MMS19: variants seen among roughly 807,000 people sequenced by gnomAD.
MMS19 encodes MMS19 nucleotide excision repair protein homolog.
In MMS19, 77 loss-of-function variants were observed where a neutral mutation model predicts 129.8. The ratio of observed to expected loss-of-function variants is 0.59; its 90% confidence interval spans 0.49 to 0.72. The LOEUF is 0.72. Ranked by LOEUF, MMS19 falls within the 30% of genes least tolerant of loss-of-function variation. The pLI is 0.00. For synonymous variants in MMS19, 491 were observed against 502.8 expected, an observed-to-expected ratio of 0.98 and a Z score of 0.31; for missense variants, 1,168 against 1,266.3, an observed-to-expected ratio of 0.92 and a Z score of 1.18.
At chr10:97,488,046 G>T (rs1200234553) in intron 1 of MMS19, among the ~76,000 whole-genome samples, 1 of 152,064 alleles carries the variant, frequency 6.6e-6, no homozygotes, top group Non-Finnish European at 1.5e-5. Flanking sequence ...CCGAGATCGT[G>T]CCACTGCACT....
Position 97,460,113 on chromosome 10 carries a change from C to T in MMS19, c.2589G>A (p.Met863Ile). 1 of 1,614,052 alleles carries T rather than the reference C, an allele frequency of 6.2e-7. No individual in the cohort carries two copies. The highest frequency in any genetic ancestry group is 1.1e-5 in the South Asian group (1 of 91,080). Residue 863 changes from methionine to isoleucine, a missense_variant, in exon 26 of 31, where the codon ATG (methionine) becomes ATA (isoleucine). By Grantham distance (10) the Met-to-Ile change is conservative. Around this residue, in one of 3 missense-constraint regions of MMS19, gnomAD observed 831 missense variants for 910.8 expected, o/e 0.91. Transcript: ENST00000438925. ...TATCTGTGAAGAACCGCTGGCGGAA[C>T]ATGATCCGCACTTCGGCATGGCCAG... ...TRAGHAEVRI[M>I]FRQRFFTDNV...
At chr10:97,474,157 GA>G in intron 8 of MMS19, among the ~76,000 whole-genome samples, 1 of 146,526 alleles carries the variant, frequency 6.8e-6, no homozygotes. Flanking sequence ...AAAAGGGAAA[GA>G]AAAAGTTTGC....
At chr10:97,459,547 T>C in intron 27 of MMS19, 21 bp from the exon 28 acceptor site, 1 of 1,609,590 alleles carries the variant, frequency 6.2e-7, no homozygotes. Flanking sequence ...ATGGGCAAGG[T>C]AGGGGATGGC....
Position 97,460,069 on chromosome 10 carries a change from T to A in MMS19, c.2633A>T (p.Gln878Leu). The A allele has an allele frequency of 1.9e-6, 3 of 1,614,004 alleles. No individual in the cohort carries two copies. The South Asian group carries it at 3.3e-5, about 18-fold the overall frequency. ...ACCTTGGGGAGCAGCATGGAAGCCC[T>A]GGACCAAAGCAGGCACATTATCTGT... ...FFTDNVPALV[Q>L]GFHAAPQDVK... Residue 878 changes from glutamine to leucine, a missense_variant, in exon 26 of 31, where the codon CAG becomes CTG. Gln to Leu is a moderately radical substitution (Grantham distance 113). Transcript: ENST00000438925.
chr10:97,459,986 G>C, intron 26 of MMS19, 60 bp downstream of exon 26: 1 of 1,554,250 alleles, frequency 6.4e-7, no homozygotes, highest in South Asian at 1.2e-5. Context: ...TTATCTTAGG[G>C]AATGTGGCCA....
At chr10:97,484,920 A>C (rs554542752) in intron 1 of MMS19, among the ~76,000 whole-genome samples, 79 of 152,180 alleles carry the variant, frequency 5.2e-4, no homozygotes, top group African/African-American at 1.8e-3. Flanking sequence ...CTGGGACCAA[A>C]GGCATGTGCC....
intron 13 of MMS19, among the ~76,000 whole-genome samples, chr10:97,467,978 A>G (rs973589624): frequency 6.6e-6 from 1 of 151,440 alleles, no homozygotes; most frequent in Admixed American, 6.6e-5. Context: ...TGGCTAATTT[A>G]AAAAAAATTT....
At chr10:97,474,566 A>C (rs917398829) in intron 8 of MMS19, among the ~76,000 whole-genome samples, 1 of 152,088 alleles carries the variant, frequency 6.6e-6, no homozygotes, top group Non-Finnish European at 1.5e-5. Context: ...AACAAAACAG[A>C]ACAGAACCAA....
Position 97,464,791 on chromosome 10 carries a change from G to A in MMS19, c.1757-778C>T, listed in dbSNP as rs551141368. On this transcript the variant is annotated intron_variant, in intron 18 of 30. Coordinates refer to ENST00000438925, the MANE Select transcript of MMS19 (RefSeq NM_022362.5). ...CGGCTTGCTCCAACCTCTGCCTCCCGGGCTCAAAGTGATTCTCCTGCCTTA... is the reference window on the plus strand; with the variant it reads ...CGGCTTGCTCCAACCTCTGCCTCCCAGGCTCAAAGTGATTCTCCTGCCTTA... 1.5e-4 allele frequency among the ~76,000 whole-genome samples: 23 copies of A among 150,896 alleles called. 3 individuals are homozygous for A. Among genetic ancestry groups the A allele is most frequent in the African/African-American group, 5.1e-4 (21 of 41,012 alleles).
At chr10:97,477,007 G>C in intron 6 of MMS19, 44 bp from the exon 7 acceptor site, 1 of 1,610,974 alleles carries the variant, frequency 6.2e-7, no homozygotes. Flanking sequence ...CCACAGCACA[G>C]AAAGTGTGGG....
intron 8 of MMS19, among the ~76,000 whole-genome samples, chr10:97,471,464 T>C (rs928188583): frequency 2.0e-5 from 3 of 152,140 alleles, no homozygotes; most frequent in African/African-American, 7.2e-5. Flanking sequence ...CCTTTTCCTC[T>C]TTGCAAACTC....
At chr10:97,471,191 T>C (rs888529948) in intron 8 of MMS19, among the ~76,000 whole-genome samples, 1 of 152,346 alleles carries the variant, frequency 6.6e-6, no homozygotes, top group African/African-American at 2.4e-5. Context: ...AAAATATATA[T>C]ATACTTAAAA....
At chr10:97,494,023 A>G (rs2039395708) in intron 1 of MMS19, among the ~76,000 whole-genome samples, 1 of 152,194 alleles carries the variant, frequency 6.6e-6, no homozygotes, top group Non-Finnish European at 1.5e-5. Context: ...TCAAAAGCAA[A>G]CAAACAAACA....
At chr10:97,486,890 T>TATATATATATATAC in intron 1 of MMS19, among the ~76,000 whole-genome samples, 1 of 124,612 alleles carries the variant, frequency 8.0e-6, no homozygotes, top group African/African-American at 2.8e-5. Context: ...TATATATATA[T>TATATATATATATAC]ATATAAAATT....
chr10:97,487,944 T>C (rs1589777717), intron 1 of MMS19, among the ~76,000 whole-genome samples: 1 of 79,046 alleles, frequency 1.3e-5, no homozygotes, highest in African/African-American at 4.1e-5. Flanking sequence ...TGGCAAAACA[T>C]GTGTGTGGTG....
intron 1 of MMS19, among the ~76,000 whole-genome samples, chr10:97,493,200 A>G (rs1409626450): frequency 6.6e-6 from 1 of 152,062 alleles, no homozygotes; most frequent in Non-Finnish European, 1.5e-5. Context: ...TTGTAGAGAC[A>G]AGGTCTCACT....
At chr10:97,482,741 C>T (rs1042395360) in intron 2 of MMS19, among the ~76,000 whole-genome samples, 133 of 126,644 alleles carry the variant, frequency 1.1e-3, no homozygotes, top group African/African-American at 2.2e-3. Flanking sequence ...TATATATACA[C>T]ACACACACAC....
At chr10:97,474,238 T>C (rs2035325344) in intron 8 of MMS19, among the ~76,000 whole-genome samples, 1 of 151,876 alleles carries the variant, frequency 6.6e-6, no homozygotes, top group Non-Finnish European at 1.5e-5. Flanking sequence ...AGATCCACTA[T>C]GATGGCACAC....
intron 14 of MMS19, among the ~76,000 whole-genome samples, chr10:97,467,283 G>A (rs1411369539): frequency 6.6e-6 from 1 of 152,084 alleles, no homozygotes; most frequent in African/African-American, 2.4e-5. Context: ...CCCGCCTCCT[G>A]GGGCAGATTT....
Sources: allele counts gnomAD v4.1 joint callset (sites outside exome capture counted in the v4.1 genomes callset), GRCh38; gene constraint gnomAD v4.1.1; regional missense constraint gnomAD v4.1.1; transcripts MANE v1.5; gene names NCBI Gene and HGNC (gene_info 2026-07-23, HGNC 2026-07-21).